DDX1: variants seen among roughly 807,000 people sequenced by gnomAD.
The protein encoded by DDX1 is ATP-dependent RNA helicase DDX1.
DDX1 carries 28 observed loss-of-function variants against 108.7 expected under a neutral mutation model. That is an observed-to-expected ratio of 0.26 (90% CI 0.19 to 0.35). The LOEUF (loss-of-function observed/expected upper bound fraction) is 0.35, where lower values mean the gene tolerates loss of function less well. Ranked by LOEUF, DDX1 falls within the 10% of genes least tolerant of loss-of-function variation. DDX1 has a pLI of 1.00. For missense variants in DDX1, 710 were observed against 884.5 expected (o/e 0.80, Z 2.50); for synonymous variants, 295 against 288.9 (o/e 1.02, Z -0.21).
Position 15,630,113 on chromosome 2 carries a change from A to G in DDX1, c.2092+3A>G, listed in dbSNP as rs780691027. On this transcript the variant is annotated splice_donor_region_variant and intron_variant, in intron 25 of 25. Coordinates refer to ENST00000233084, the MANE Select transcript of DDX1 (RefSeq NM_004939.3). Reference sequence around the variant, plus strand: ...CGGTCAGAAAAGGGCTGCTGGTGGTAAGCTTTGAATTATTTTAAATACAAT... The same window carrying G: ...CGGTCAGAAAAGGGCTGCTGGTGGTGAGCTTTGAATTATTTTAAATACAAT... 3 of 1,612,618 alleles carry G rather than the reference A, an allele frequency of 1.9e-6. No individual in the cohort carries two copies. Among genetic ancestry groups the G allele is most frequent in the Non-Finnish European group, 2.5e-6 (3 of 1,179,534 alleles).
Position 15,601,367 on chromosome 2 carries a change from T to A in DDX1, c.308-1181T>A, listed in dbSNP as rs140986794. ...TGAAGATAGCATCATATCCCACAGG[T>A]TGAGGGTTCAATCACACAAGACTGT... On this transcript the variant is annotated intron_variant, in intron 6 of 25. Coordinates refer to ENST00000233084, the MANE Select transcript of DDX1 (RefSeq NM_004939.3). Among the ~76,000 whole-genome samples, 378 of 152,244 alleles carry A rather than the reference T, an allele frequency of 2.5e-3. 1 individual carries two copies. Among genetic ancestry groups the A allele is most frequent in the African/African-American group, 8.7e-3 (361 of 41,546 alleles).
At chr2:15,630,177 G>A in intron 25 of DDX1, 67 bp downstream of exon 25, 2 of 1,503,744 alleles carry the variant, frequency 1.3e-6, no homozygotes, top group Non-Finnish European at 1.8e-6. Context: ...TTCGGTTTGG[G>A]AAGGCAGTAC....
rs1248462704 is a variant in DDX1 at position 15,591,868 on chromosome 2, A to C, written c.-66A>C. 30 of 1,455,870 alleles carry C rather than the reference A, an allele frequency of 2.1e-5. No homozygotes were observed. Among genetic ancestry groups the C allele is most frequent in the Non-Finnish European group, 2.5e-5 (28 of 1,099,032 alleles). 90.2% of individuals were successfully genotyped at this position (1,455,870 alleles called of 1,614,324 possible). On this transcript the variant is annotated 5_prime_UTR_variant, in exon 1 of 26. Coordinates refer to ENST00000233084, the MANE Select transcript of DDX1 (RefSeq NM_004939.3). ...CCAGGGGCCGGAAGCGCGCGCCGCC[A>C]CTGCCACGCCGTGTCAGTCGGGAGG...
chr2:15,596,914 C>A, intron 4 of DDX1, 151 bp downstream of exon 4: 2 of 665,296 alleles, frequency 3.0e-6, no homozygotes, highest in Non-Finnish European at 5.1e-6. Context: ...ATTTTTGTTG[C>A]CAGCTAATTA....
chr2:15,592,327 C>A (rs924598580), intron 1 of DDX1, among the ~76,000 whole-genome samples: 4 of 152,218 alleles, frequency 2.6e-5, no homozygotes, highest in African/African-American at 9.6e-5. Flanking sequence ...CCTTTTCTGC[C>A]CGCGGCTCAT....
chr2:15,618,375 C>G (rs1310003000), intron 16 of DDX1, 105 bp downstream of exon 16: 1 of 653,258 alleles, frequency 1.5e-6, no homozygotes, highest in Non-Finnish European at 2.8e-6. Context: ...ACCTCTGCGG[C>G]TAGTGATGCC....
chr2:15,596,932 C>T (rs1190004860), intron 4 of DDX1, among the ~76,000 whole-genome samples, 169 bp downstream of exon 4: 1 of 152,028 alleles, frequency 6.6e-6, no homozygotes, highest in Non-Finnish European at 1.5e-5. Context: ...TTATGAAGAG[C>T]TAAAAAAAGT....
At position 15,595,474 on chromosome 2, in the gene DDX1, A is replaced by C; in HGVS notation, c.69-16A>C. 1 of 1,603,530 alleles carries C rather than the reference A, an allele frequency of 6.2e-7. No homozygotes were observed. Among genetic ancestry groups the C allele is most frequent in the South Asian group, 1.1e-5 (1 of 90,482 alleles). ...TTTCCCCAGTAACTAAAATTCTTCA[A>C]ATATGATTCTTTTAGCCTCCCAACT... On this transcript the variant is annotated splice_polypyrimidine_tract_variant and intron_variant, in intron 2 of 25. Coordinates refer to ENST00000233084, the MANE Select transcript of DDX1 (RefSeq NM_004939.3).
At chr2:15,626,243 A>G (rs1220338990) in intron 19 of DDX1, among the ~76,000 whole-genome samples, 1 of 152,084 alleles carries the variant, frequency 6.6e-6, no homozygotes, top group Admixed American at 6.6e-5. Flanking sequence ...TACTTCCCTA[A>G]ACCACTTGAA....
intron 23 of DDX1, among the ~76,000 whole-genome samples, 158 bp from the exon 24 acceptor site, chr2:15,629,444 G>A (rs1226337921): frequency 2.0e-5 from 3 of 152,112 alleles, no homozygotes; most frequent in Non-Finnish European, 2.9e-5. Flanking sequence ...TATTCAATGA[G>A]CTACTGAATA....
chr2:15,604,139 T>C (rs1665629078), intron 9 of DDX1, among the ~76,000 whole-genome samples: 1 of 152,212 alleles, frequency 6.6e-6, no homozygotes, highest in Non-Finnish European at 1.5e-5. Flanking sequence ...GTCTTCTCTT[T>C]TCACCTCATT....
At chr2:15,607,025 A>G (rs921972798) in intron 12 of DDX1, 150 bp from the exon 13 acceptor site, 12 of 786,524 alleles carry the variant, frequency 1.5e-5, no homozygotes, top group Admixed American at 1.5e-4. Context: ...TGTTTTAGAA[A>G]TCTAAGGTTT....
Position 15,628,725 on chromosome 2 carries a change from T to A in DDX1, c.1832+15T>A. ...AGAGCTGAAAGGTACTTCTGCAATT[T>A]TTTTTCCCCCATTTTTAAGCTTGTA... On this transcript the variant is annotated intron_variant, in intron 22 of 25. Coordinates refer to ENST00000233084, the MANE Select transcript of DDX1 (RefSeq NM_004939.3). The A allele has an allele frequency of 6.2e-7, 1 of 1,613,576 alleles. No homozygotes were observed. Among genetic ancestry groups the A allele is most frequent in the Non-Finnish European group, 8.5e-7 (1 of 1,179,668 alleles).
chr2:15,602,691 GTTTTT>G, intron 7 of DDX1, 60 bp downstream of exon 7: 1 of 1,272,856 alleles, frequency 7.9e-7, no homozygotes, highest in Non-Finnish European at 1.1e-6. Flanking sequence ...ATACGTGAGG[GTTTTT>G]TTGTTGTTGT....
At chr2:15,621,011 T>G in intron 17 of DDX1, 54 bp from the exon 18 acceptor site, 2 of 1,107,290 alleles carry the variant, frequency 1.8e-6, no homozygotes, top group African/African-American at 1.6e-5. Context: ...ACATATATTC[T>G]GAATCATTAT....
chr2:15,603,375 T>C, intron 8 of DDX1, 100 bp downstream of exon 8: 2 of 849,724 alleles, frequency 2.4e-6, no homozygotes, highest in Non-Finnish European at 3.7e-6. Flanking sequence ...ATAAAAAGGT[T>C]TTATTTTAAA....
rs144059933 is a variant in DDX1 at position 15,607,305 on chromosome 2, T to C, written c.948T>C (p.Pro316=). Residue 316 remains proline, a synonymous_variant, in exon 13 of 26, where the codon CCT becomes CCC. Transcript: ENST00000233084. ...AGTTTAAGAAATACATTGATAATCC[T>C]AAATTAAGGTAAATCTTCCTTTTGT... ...IKQFKKYIDN[P]KLRELLIIGG... is the part of the protein sequence containing the mutation. 8.1e-5 allele frequency: 130 copies of C among 1,612,322 alleles called. No individual in the cohort carries two copies. In the African/African-American group the frequency reaches 1.5e-3, roughly 19 times the overall value.
intron 13 of DDX1, among the ~76,000 whole-genome samples, chr2:15,608,141 T>A (rs1242272551): frequency 6.6e-6 from 1 of 152,204 alleles, no homozygotes; most frequent in Non-Finnish European, 1.5e-5. Context: ...TAATACACTC[T>A]GTTAGTCAAT....
chr2:15,598,494 G>C (rs1665536489), intron 5 of DDX1, among the ~76,000 whole-genome samples: 1 of 152,122 alleles, frequency 6.6e-6, no homozygotes, highest in Non-Finnish European at 1.5e-5. Flanking sequence ...TGGAGAAGAA[G>C]TAAAAATGGA....
Sources: allele counts gnomAD v4.1 joint callset (sites outside exome capture counted in the v4.1 genomes callset), GRCh38; gene constraint gnomAD v4.1.1; transcripts MANE v1.5; gene names NCBI Gene and HGNC (gene_info 2026-07-23, HGNC 2026-07-21).